Variants in CACYBP observed in about 807,000 individuals in gnomAD.
The protein encoded by CACYBP is calcyclin-binding protein.
A neutral mutation model predicts 29.6 loss-of-function variants in CACYBP; 11 were observed. The ratio of observed to expected loss-of-function variants is 0.37; its 90% CI spans 0.23 to 0.61. The LOEUF is 0.61. Ranked by LOEUF, CACYBP falls within the 20% of genes least tolerant of loss-of-function variation. The pLI is 0.65. For missense variants in CACYBP, 163 were observed against 260.7 expected, an observed-to-expected ratio of 0.63 and a Z score of 2.58; for synonymous variants, 73 against 88.3, an observed-to-expected ratio of 0.83 and a Z score of 0.97.
chr1:175,009,392 T>C (rs2149412200), intron 5 of CACYBP, among the ~76,000 whole-genome samples: 1 of 152,294 alleles, frequency 6.6e-6, no homozygotes, highest in East Asian at 1.9e-4. Context: ...ACGCCTGTAA[T>C]CCTAGCACTT....
At chr1:175,000,244 G>A in intron 1 of CACYBP, 49 bp downstream of exon 1, 1 of 1,568,074 alleles carries the variant, frequency 6.4e-7, no homozygotes, top group South Asian at 1.2e-5. Flanking sequence ...TGGAGCTGCA[G>A]CGCCAGCCTC....
intron 4 of CACYBP, 105 bp downstream of exon 4, chr1:175,007,302 G>A (rs1672644270): frequency 5.9e-6 from 4 of 677,070 alleles, no homozygotes; most frequent in Middle Eastern, 2.5e-4. Context: ...CTGTAACAGG[G>A]ACCACCGCCT....
chr1:175,001,240 G>A (rs1672481326), intron 1 of CACYBP, among the ~76,000 whole-genome samples: 1 of 152,170 alleles, frequency 6.6e-6, no homozygotes, highest in South Asian at 2.1e-4. Context: ...ATAGCTCAGT[G>A]TTAGTCCTCT....
At chr1:175,009,834 C>CT in intron 5 of CACYBP, 89 bp from the exon 6 acceptor site, 1 of 987,894 alleles carries the variant, frequency 1.0e-6, no homozygotes, top group Non-Finnish European at 1.5e-6. Context: ...CTTCTTATCC[C>CT]TCTACTTCCT....
intron 1 of CACYBP, chr1:175,000,398 C>T (rs930588276): frequency 7.1e-7 from 1 of 1,409,030 alleles, no homozygotes. Flanking sequence ...ACCTCGCACC[C>T]CACTCGCCTG....
Position 175,010,348 on chromosome 1 carries a change from G to C in CACYBP, c.*269G>C. The C allele has an allele frequency of 4.2e-6, 1 of 238,874 alleles. No homozygotes were observed. The highest frequency in any genetic ancestry group is 8.0e-6 in the Non-Finnish European group (1 of 125,110). The allele number at this position is 238,874 out of a possible 1,614,324, so 14.8% of individuals were successfully genotyped here. On this transcript the variant is annotated 3_prime_UTR_variant, in exon 6 of 6. Coordinates refer to ENST00000367679, the MANE Select transcript of CACYBP (RefSeq NM_014412.3). ...TGCATTCTCACGTGAAATATAAAAA[G>C]CAAGTCTTGCCCAATAAAAACGCTA...
chr1:175,004,876 C>G (rs1311941572), intron 2 of CACYBP, 43 bp downstream of exon 2: 2 of 1,247,228 alleles, frequency 1.6e-6, no homozygotes, highest in African/African-American at 1.5e-5. Flanking sequence ...TCCGAGCAAC[C>G]TATTCCTCAT....
chr1:175,010,031 C>G lies in CACYBP; in HGVS notation c.639C>G (p.Ala213=), dbSNP rs764393518. ...DDDMKRTINK[A]WVESREKQAK... is the part of the protein sequence containing the mutation. ...ATATGAAGCGAACCATTAATAAAGC[C>G]TGGGTGGAATCAAGAGAGAAGCAAG... Residue 213 remains alanine, a synonymous_variant, in exon 6 of 6, where the codon GCC becomes GCG. Transcript: ENST00000367679. The G allele has an allele frequency of 2.7e-5, 43 of 1,613,386 alleles. No homozygotes were observed. In the Admixed American group the frequency reaches 6.2e-4, roughly 23 times the overall value.
chr1:175,006,433 A>T (rs1672620702), intron 2 of CACYBP: 1 of 184,950 alleles, frequency 5.4e-6, no homozygotes, highest in African/African-American at 2.4e-5. Context: ...TAAATGAACT[A>T]ATCTTAAAGA....
intron 1 of CACYBP, chr1:175,000,420 C>CG: frequency 7.2e-7 from 1 of 1,389,898 alleles, no homozygotes; most frequent in Non-Finnish European, 9.3e-7. Context: ...TGGGCTCGAG[C>CG]GGGGGTGTGC....
chr1:175,008,919 C>G (rs1672681851), intron 5 of CACYBP: 1 of 482,542 alleles, frequency 2.1e-6, no homozygotes, highest in Non-Finnish European at 3.7e-6. Context: ...TGCTTCTATA[C>G]AAATAACTGT....
intron 2 of CACYBP, 69 bp from the exon 3 acceptor site, chr1:175,006,676 T>C: frequency 1.3e-6 from 1 of 760,668 alleles, no homozygotes; most frequent in Non-Finnish European, 2.3e-6. Flanking sequence ...TTATGAGCCA[T>C]GTGCATTTGC....
chr1:175,004,420 GA>G (rs967063623), intron 1 of CACYBP, among the ~76,000 whole-genome samples, 193 bp from the exon 2 acceptor site: 14 of 151,824 alleles, frequency 9.2e-5, no homozygotes, highest in Non-Finnish European at 1.3e-4. Context: ...TTTTCCTTTT[GA>G]AAAAAAGGAA....
intron 4 of CACYBP, among the ~76,000 whole-genome samples, chr1:175,007,556 G>C (rs1394934944): frequency 2.6e-5 from 4 of 152,218 alleles, no homozygotes; most frequent in Admixed American, 2.6e-4. Flanking sequence ...AGGTAGTTAA[G>C]AGTGAGACTT....
At chr1:175,009,643 C>CA (rs67446162) in intron 5 of CACYBP, among the ~76,000 whole-genome samples, 11,854 of 100,370 alleles carry the variant, frequency 0.12, 911 homozygotes, top group East Asian at 0.25. Context: ...AGGACTGTCT[C>CA]AAAAAAAAAA....
intron 5 of CACYBP, among the ~76,000 whole-genome samples, chr1:175,009,639 G>A (rs1042445138): frequency 1.8e-4 from 15 of 85,486 alleles, no homozygotes; most frequent in Non-Finnish European, 7.2e-5. Context: ...GAGCAGGACT[G>A]TCTCAAAAAA....
rs1484625146 is a variant in CACYBP at position 175,010,936 on chromosome 1, C to T, written c.*857C>T. ...ACTTTATTTTCCTGGAGGTATTAGC[C>T]AACACAGTTAGATCAGAGAAAGCAA... On this transcript the variant is annotated 3_prime_UTR_variant, in exon 6 of 6. Coordinates refer to ENST00000367679, the MANE Select transcript of CACYBP (RefSeq NM_014412.3). 1 of 151,650 alleles carries T rather than the reference C, an allele frequency of 6.6e-6. No individual in the cohort carries two copies. Among genetic ancestry groups the T allele is most frequent in the Non-Finnish European group, 1.5e-5 (1 of 67,934 alleles). The allele number at this position is 151,650 out of a possible 1,614,324, so 9.4% of individuals were successfully genotyped here.
intron 2 of CACYBP, 53 bp downstream of exon 2, chr1:175,004,886 T>C (rs1672578755): frequency 1.8e-6 from 2 of 1,128,070 alleles, no homozygotes; most frequent in Non-Finnish European, 2.7e-6. Context: ...CTATTCCTCA[T>C]AGTGGTCTAA....
At chr1:175,003,316 G>C (rs1441200338) in intron 1 of CACYBP, among the ~76,000 whole-genome samples, 1 of 151,992 alleles carries the variant, frequency 6.6e-6, no homozygotes, top group Admixed American at 6.6e-5. Flanking sequence ...ACGGGCTTTC[G>C]CCGTGTTGGT....
Sources: allele counts gnomAD v4.1 joint callset (sites outside exome capture counted in the v4.1 genomes callset), GRCh38; gene constraint gnomAD v4.1.1; transcripts MANE v1.5; gene names NCBI Gene and HGNC (gene_info 2026-07-23, HGNC 2026-07-21).